Variants in SPTLC2 observed in about 807,000 individuals in gnomAD.
SPTLC2 encodes the protein serine palmitoyltransferase 2.
A neutral mutation model predicts 62.0 loss-of-function variants in SPTLC2; 21 were observed. The ratio of observed to expected loss-of-function variants is 0.34; its 90% CI spans 0.24 to 0.49. The LOEUF (loss-of-function observed/expected upper bound fraction) is 0.49. Ranked by LOEUF, SPTLC2 falls within the 20% of genes least tolerant of loss-of-function variation. SPTLC2 has a pLI of 0.99. For missense variants in SPTLC2, 511 were observed against 713.0 expected, an observed-to-expected ratio of 0.72 and a Z score of 3.23; for synonymous variants, 261 against 261.8, an observed-to-expected ratio of 1.00 and a Z score of 0.03.
chr14:77,571,535 C>T (rs1032472897), intron 4 of SPTLC2, among the ~76,000 whole-genome samples: 1 of 151,348 alleles, frequency 6.6e-6, no homozygotes, highest in African/African-American at 2.4e-5. Context: ...AAGGTTCTTC[C>T]CTCACTGTGA....
At chr14:77,522,597 C>A (rs1283682885) in intron 9 of SPTLC2, among the ~76,000 whole-genome samples, 1 of 152,210 alleles carries the variant, frequency 6.6e-6, no homozygotes, top group African/African-American at 2.4e-5. Context: ...CAATTGCCAA[C>A]TGACTAAATA....
intron 9 of SPTLC2, among the ~76,000 whole-genome samples, chr14:77,527,914 T>C (rs1331469607): frequency 6.6e-6 from 1 of 152,250 alleles, no homozygotes; most frequent in Non-Finnish European, 1.5e-5. Context: ...GATGAGCTTT[T>C]ATACAACTTA....
intron 9 of SPTLC2, among the ~76,000 whole-genome samples, chr14:77,543,511 C>A (rs183457453): frequency 6.6e-6 from 1 of 152,168 alleles, no homozygotes; most frequent in Admixed American, 6.5e-5. Context: ...GAAGGCAATA[C>A]AATAAGACAA....
intron 8 of SPTLC2, among the ~76,000 whole-genome samples, chr14:77,552,805 TAAAA>T (rs58847640): frequency 0.11 from 14,303 of 130,872 alleles, 965 homozygotes; most frequent in African/African-American, 0.21. Context: ...GACTCCGTCT[TAAAA>T]AAAAAAAAAA....
intron 9 of SPTLC2, 46 bp downstream of exon 9, chr14:77,552,050 G>C: frequency 6.2e-7 from 1 of 1,610,646 alleles, no homozygotes; most frequent in Non-Finnish European, 8.5e-7. Flanking sequence ...AGCACGTTTG[G>C]CTGCTAGGTG....
chr14:77,597,448 T>C, intron 1 of SPTLC2, 68 bp from the exon 2 acceptor site: 1 of 1,455,688 alleles, frequency 6.9e-7, no homozygotes, highest in South Asian at 1.2e-5. Flanking sequence ...AAAATCTAGG[T>C]CCTTAGAGAT....
chr14:77,583,418 G>A (rs1595004729), intron 2 of SPTLC2, among the ~76,000 whole-genome samples: 1 of 151,966 alleles, frequency 6.6e-6, no homozygotes, highest in Non-Finnish European at 1.5e-5. Context: ...AACTAGGGGG[G>A]TAATCTTTTC....
At chr14:77,516,648 T>C (rs1048134763) in intron 11 of SPTLC2, among the ~76,000 whole-genome samples, 13 of 152,116 alleles carry the variant, frequency 8.5e-5, no homozygotes, top group African/African-American at 3.1e-4. Context: ...AAAAAAAAGA[T>C]ACAATATCAA....
At chr14:77,610,142 T>G (rs137966464) in intron 1 of SPTLC2, among the ~76,000 whole-genome samples, 4 of 52,090 alleles carry the variant, frequency 7.7e-5, no homozygotes, top group African/African-American at 2.2e-4. Context: ...ACTGAGGTTT[T>G]GTTTTGTTTT....
intron 1 of SPTLC2, among the ~76,000 whole-genome samples, chr14:77,597,788 A>G (rs1251710540): frequency 6.8e-6 from 1 of 148,128 alleles, no homozygotes; most frequent in Non-Finnish European, 1.5e-5. Flanking sequence ...AAAAAAAGGA[A>G]TTTTCTAAGT....
chr14:77,528,663 T>A (rs1326425519), intron 9 of SPTLC2, among the ~76,000 whole-genome samples: 1 of 152,198 alleles, frequency 6.6e-6, no homozygotes, highest in African/African-American at 2.4e-5. Flanking sequence ...TTAATTGACA[T>A]AAAGCAGGAT....
intron 9 of SPTLC2, among the ~76,000 whole-genome samples, chr14:77,522,927 T>C (rs1379751666): frequency 2.6e-5 from 4 of 152,200 alleles, no homozygotes; most frequent in Admixed American, 2.0e-4. Context: ...CCATCATTCA[T>C]GGGAAGCTAC....
In SPTLC2 at chr14:77,559,012, T is replaced by C. The variant is rs114134779; in HGVS notation, c.851-1866A>G. ...AGAAGGAGGAGAAAAATAATACTGG[T>C]CAAAATTTTAGATAAAAGAAGCATC... On this transcript the variant is annotated intron_variant, in intron 6 of 11. Transcript: ENST00000216484. Among the ~76,000 whole-genome samples, 1,115 of 152,284 alleles carry C rather than the reference T, an allele frequency of 7.3e-3. 11 individuals are homozygous for C. Among genetic ancestry groups the C allele is most frequent in the African/African-American group, 0.021 (869 of 41,560 alleles).
At chr14:77,556,129 C>G (rs1013285644) in intron 7 of SPTLC2, among the ~76,000 whole-genome samples, 2 of 152,042 alleles carry the variant, frequency 1.3e-5, no homozygotes, top group African/African-American at 4.8e-5. Flanking sequence ...TCGAGACCAG[C>G]CCGGCCAACA....
Position 77,584,872 on chromosome 14 carries a change from T to C in SPTLC2, c.328-5763A>G, listed in dbSNP as rs569079127. Among the ~76,000 whole-genome samples, 8 of 152,336 alleles carry C rather than the reference T, an allele frequency of 5.3e-5. No individual in the cohort carries two copies. The South Asian group carries it at 1.7e-3, about 32-fold the overall frequency. On this transcript the variant is annotated intron_variant, in intron 2 of 11. Coordinates refer to ENST00000216484, the MANE Select transcript of SPTLC2 (RefSeq NM_004863.4). ...GACACCCTTGTGATCGGGTTGCGGA[T>C]GTGATGTAGGGTCTGCCAGTGAGAA...
intron 9 of SPTLC2, among the ~76,000 whole-genome samples, chr14:77,530,535 G>T (rs1001670310): frequency 3.8e-4 from 58 of 152,042 alleles, no homozygotes; most frequent in African/African-American, 1.3e-3. Flanking sequence ...CACCACGTTG[G>T]CCAGGCTCGT....
At chr14:77,513,378 T>G (rs959810293) in intron 11 of SPTLC2, among the ~76,000 whole-genome samples, 4 of 152,190 alleles carry the variant, frequency 2.6e-5, no homozygotes, top group Admixed American at 2.0e-4. Flanking sequence ...GTATTACTGA[T>G]GTATTGTAGC....
chr14:77,515,325 C>T (rs561053049), intron 11 of SPTLC2, among the ~76,000 whole-genome samples: 1 of 152,232 alleles, frequency 6.6e-6, no homozygotes, highest in Non-Finnish European at 1.5e-5. Context: ...CTTAGGGTCT[C>T]CCAGTCCATT....
chr14:77,576,382 G>A (rs2079715851), intron 4 of SPTLC2, among the ~76,000 whole-genome samples: 1 of 152,130 alleles, frequency 6.6e-6, no homozygotes, highest in Non-Finnish European at 1.5e-5. Flanking sequence ...CTATAAGGCA[G>A]GAATTATTAT....
Sources: allele counts gnomAD v4.1 joint callset (sites outside exome capture counted in the v4.1 genomes callset), GRCh38; gene constraint gnomAD v4.1.1; transcripts MANE v1.5; gene names NCBI Gene and HGNC (gene_info 2026-07-23, HGNC 2026-07-21).